The following FBXO11 variants were observed in gnomAD, a reference collection of about 807,000 sequenced individuals.
FBXO11 encodes F-box protein 11.
A neutral mutation model predicts 117.0 loss-of-function variants in FBXO11; 13 were observed. The observed-to-expected ratio is 0.11, with a 90% CI of 0.07 to 0.18. The LOEUF (loss-of-function observed/expected upper bound fraction) is 0.18. Among genes scored for constraint, FBXO11 ranks in the 10% least tolerant of loss-of-function variants. FBXO11 has a pLI of 1.00. For missense variants in FBXO11, 767 were observed against 1,164.4 expected (o/e 0.66, Z 4.97); for synonymous variants, 490 against 380.5 (o/e 1.29, Z -3.35).
intron 7 of FBXO11, among the ~76,000 whole-genome samples, chr2:47,833,885 C>CT (rs1208236550): frequency 4.0e-5 from 6 of 151,652 alleles, no homozygotes; most frequent in Non-Finnish European, 7.4e-5. Flanking sequence ...CCAGGCCAGT[C>CT]TTTAACTCCT....
chr2:47,881,982 A>G (rs1676463499), intron 1 of FBXO11, among the ~76,000 whole-genome samples: 1 of 152,194 alleles, frequency 6.6e-6, no homozygotes, highest in Admixed American at 6.5e-5. Context: ...TCCTGGCCTC[A>G]AGTGATCTGC....
intron 1 of FBXO11, among the ~76,000 whole-genome samples, chr2:47,873,416 G>T (rs1286942217): frequency 6.6e-6 from 1 of 152,092 alleles, no homozygotes; most frequent in Non-Finnish European, 1.5e-5. Flanking sequence ...GTGCTCCTGG[G>T]TTTTATCCTT....
chr2:47,818,229 G>C (rs1014528137), intron 16 of FBXO11, among the ~76,000 whole-genome samples: 2 of 152,194 alleles, frequency 1.3e-5, no homozygotes, highest in African/African-American at 4.8e-5. Flanking sequence ...AAATGGCAGA[G>C]AGATCTGCTC....
chr2:47,874,176 T>G (rs1184228827), intron 1 of FBXO11, among the ~76,000 whole-genome samples: 1 of 152,186 alleles, frequency 6.6e-6, no homozygotes, highest in African/African-American at 2.4e-5. Context: ...ATTGCACCAC[T>G]GCACTCCAGT....
intron 16 of FBXO11, among the ~76,000 whole-genome samples, chr2:47,816,706 C>A (rs1671030371): frequency 1.3e-5 from 2 of 152,152 alleles, no homozygotes; most frequent in African/African-American, 4.8e-5. Flanking sequence ...CCTTGTGCAT[C>A]TGCATCAGAA....
chr2:47,901,036 C>T (rs527504308), intron 1 of FBXO11, among the ~76,000 whole-genome samples: 2 of 136,232 alleles, frequency 1.5e-5, no homozygotes, highest in African/African-American at 2.7e-5. Flanking sequence ...TATATACACA[C>T]GTGTGTACAT....
intron 1 of FBXO11, among the ~76,000 whole-genome samples, chr2:47,845,460 T>C (rs1464362416): frequency 6.6e-6 from 1 of 152,300 alleles, no homozygotes; most frequent in South Asian, 2.1e-4. Context: ...CTGACTGTTC[T>C]GAGAATCAAG....
intron 1 of FBXO11, among the ~76,000 whole-genome samples, chr2:47,851,004 A>T (rs547121843): frequency 6.6e-6 from 1 of 152,256 alleles, no homozygotes; most frequent in Non-Finnish European, 1.5e-5. Context: ...TTTTAAAGTT[A>T]GTAACTTCCA....
At chr2:47,854,027 C>T (rs1047765826) in intron 1 of FBXO11, among the ~76,000 whole-genome samples, 3 of 152,156 alleles carry the variant, frequency 2.0e-5, no homozygotes, top group Non-Finnish European at 4.4e-5. Flanking sequence ...TTTAAAGTAT[C>T]AGTAGTCATT....
rs767671883 is a variant in FBXO11, at chr2:47,808,256, A to C, written c.2655-9T>G. The C allele has an allele frequency of 1.2e-6, 2 of 1,612,760 alleles. No individual in the cohort carries two copies. Among genetic ancestry groups the C allele is most frequent in the Admixed American group, 1.7e-5 (1 of 59,854 alleles). ...CACAGTCACAGAAAAACCTAAAGCA[A>C]AATGAAACCCAAATATTAGAAAAGT... On this transcript the variant is annotated splice_polypyrimidine_tract_variant and intron_variant, in intron 22 of 22. Transcript: ENST00000403359.
Position 47,900,581 on chromosome 2 carries a change from C to T in FBXO11, c.232+4908G>A, listed in dbSNP as rs1262050671. Among the ~76,000 whole-genome samples, 477 of 116,124 alleles carry T rather than the reference C, an allele frequency of 4.1e-3. 4 individuals carry two copies. The highest frequency in any genetic ancestry group is 6.6e-3 in the Non-Finnish European group (320 of 48,330). 76.2% of individuals were successfully genotyped at this position (116,124 alleles called of 152,430 possible). ...ACGTATATATACACACGTATACACA[C>T]ATATATACGTATATACACACGTATA... On this transcript the variant is annotated intron_variant, in intron 1 of 22. Transcript: ENST00000403359.
At chr2:47,818,252 C>A (rs1463338421) in intron 16 of FBXO11, among the ~76,000 whole-genome samples, 1 of 152,074 alleles carries the variant, frequency 6.6e-6, no homozygotes, top group African/African-American at 2.4e-5. Context: ...CACAGTATTG[C>A]CACAAAACTT....
chr2:47,833,944 AG>A (rs1672364760), intron 7 of FBXO11, among the ~76,000 whole-genome samples: 1 of 152,106 alleles, frequency 6.6e-6, no homozygotes, highest in Non-Finnish European at 1.5e-5. Flanking sequence ...CTGGGTTTAC[AG>A]GTGTGAGCCA....
intron 18 of FBXO11, among the ~76,000 whole-genome samples, chr2:47,812,638 G>T (rs1239127172): frequency 6.6e-6 from 1 of 152,158 alleles, no homozygotes; most frequent in Non-Finnish European, 1.5e-5. Flanking sequence ...TTCTATGTAA[G>T]ATATGTACAA....
intron 1 of FBXO11, among the ~76,000 whole-genome samples, chr2:47,877,619 C>G (rs567237962): frequency 2.0e-5 from 3 of 152,000 alleles, no homozygotes; most frequent in African/African-American, 7.2e-5. Flanking sequence ...CTTACCTTAC[C>G]CTAACGATTT....
chr2:47,825,606 C>T (rs1046532179), intron 11 of FBXO11, among the ~76,000 whole-genome samples: 1 of 130,262 alleles, frequency 7.7e-6, no homozygotes, highest in African/African-American at 3.0e-5. Context: ...TAGAGACAGG[C>T]TCTCACTCTG....
rs1183608064 is a variant in FBXO11 at position 47,900,751 on chromosome 2, TAC to T, written c.232+4736_232+4737del. On this transcript the variant is annotated intron_variant, in intron 1 of 22. Coordinates refer to ENST00000403359, the MANE Select transcript of FBXO11 (RefSeq NM_001190274.2). ...ACACACGTGTATATATATACACGTA[TAC>T]ACACACGTGTATATATATACACGTA... 6.4e-5 allele frequency among the ~76,000 whole-genome samples: 7 copies of T among 109,762 alleles called. No individual in the cohort carries two copies. In the South Asian group the frequency reaches 1.6e-3, roughly 26 times the overall value. 72.0% of individuals were successfully genotyped at this position (109,762 alleles called of 152,430 possible). A position where few individuals can be genotyped will look rare whatever the true frequency, so the allele number is the denominator to read the frequency against.
At chr2:47,885,262 AAAG>A (rs1676735879) in intron 1 of FBXO11, among the ~76,000 whole-genome samples, 1 of 152,198 alleles carries the variant, frequency 6.6e-6, no homozygotes, top group African/African-American at 2.4e-5. Context: ...GTGTCAAAAA[AAAG>A]AAAACTGCAG....
intron 1 of FBXO11, among the ~76,000 whole-genome samples, chr2:47,878,862 C>G (rs1676216625): frequency 6.6e-6 from 1 of 151,790 alleles, no homozygotes; most frequent in South Asian, 2.1e-4. Flanking sequence ...GCCTGTAATC[C>G]CGGCTACTCG....
Sources: gnomAD v4.1 joint callset for allele counts (sites outside exome capture counted in the v4.1 genomes callset) on GRCh38, gnomAD v4.1.1 for gene constraint, MANE v1.5 for transcripts, NCBI Gene and HGNC (gene_info 2026-07-23, HGNC 2026-07-21) for gene names.